UTS2B: variants seen among roughly 807,000 people sequenced by gnomAD.
UTS2B encodes the protein urotensin 2B.
In UTS2B, 21 loss-of-function variants were observed where a neutral mutation model predicts 19.2. The ratio of observed to expected loss-of-function variants is 1.09; its 90% confidence interval spans 0.78 to 1.58. The LOEUF is 1.58. UTS2B is among the 40% of genes most tolerant of loss of function. The pLI, the probability that UTS2B is intolerant of heterozygous loss-of-function variation, is 0.00. For missense variants in UTS2B, 138 were observed against 130.3 expected (o/e 1.06, Z -0.29); for synonymous variants, 57 against 50.2 (o/e 1.14, Z -0.58).
intron 8 of UTS2B, among the ~76,000 whole-genome samples, chr3:191,271,570 T>G (rs780486341): frequency 6.6e-6 from 1 of 152,184 alleles, no homozygotes; most frequent in Non-Finnish European, 1.5e-5. Flanking sequence ...TTTTTTTACT[T>G]GACTTGTGGG....
At chr3:191,292,043 A>T (rs2117547) in intron 4 of UTS2B, among the ~76,000 whole-genome samples, 109,021 of 151,630 alleles carry the variant, frequency 0.72, 40,043 homozygotes, top group African/African-American at 0.89. Flanking sequence ...CTAATGGTCT[A>T]TTGTGAAAAG....
chr3:191,283,359 C>G (rs917722402), intron 4 of UTS2B, among the ~76,000 whole-genome samples: 1 of 152,132 alleles, frequency 6.6e-6, no homozygotes, highest in Non-Finnish European at 1.5e-5. Context: ...GCCATTTTAC[C>G]TACTGATTCC....
chr3:191,342,288 G>A, the UTS2B span, among the ~76,000 whole-genome samples: 1 of 152,144 alleles, frequency 6.6e-6, no homozygotes, highest in East Asian at 1.9e-4. Flanking sequence ...ATTTTACCAT[G>A]CCTGTTTATC....
At chr3:191,281,957 G>A in intron 5 of UTS2B, 130 bp downstream of exon 5, 1 of 687,582 alleles carries the variant, frequency 1.5e-6, no homozygotes, top group Non-Finnish European at 2.5e-6. Flanking sequence ...ACTTAAGGGA[G>A]ATTTGGCTAT....
chr3:191,275,234 C>T lies in UTS2B; in HGVS notation c.334+18G>A. 6.4e-7 allele frequency: 1 copy of T among 1,565,910 alleles called. No homozygotes were observed. The highest frequency in any genetic ancestry group is 2.3e-5 in the East Asian group (1 of 43,984). On this transcript the variant is annotated intron_variant, in intron 8 of 8. Coordinates refer to ENST00000340524, the MANE Select transcript of UTS2B (RefSeq NM_198152.5). Reference sequence around the variant, plus strand: ...ATCTTTTGGAAGTCAATCTTAAAACCTTGAAATGAAAGCTTACCTCGTTTG... The same window carrying T: ...ATCTTTTGGAAGTCAATCTTAAAACTTTGAAATGAAAGCTTACCTCGTTTG...
At chr3:191,339,613 A>T in the UTS2B span, among the ~76,000 whole-genome samples, 3 of 152,200 alleles carry the variant, frequency 2.0e-5, no homozygotes, top group Non-Finnish European at 4.4e-5. Flanking sequence ...AGATGAACAT[A>T]AAAAATTTGG....
chr3:191,341,680 A>G, the UTS2B span, among the ~76,000 whole-genome samples: 1 of 152,206 alleles, frequency 6.6e-6, no homozygotes, highest in African/African-American at 2.4e-5. Context: ...AAGAGTTCAC[A>G]TGTAACTGAA....
chr3:191,308,397 T>C lies in UTS2B; in HGVS notation c.-181-3849A>G, dbSNP rs149092411. On this transcript the variant is annotated intron_variant, in intron 3 of 8. Transcript: ENST00000340524. ...CTTTAAGTCACTCAGTTAGTCAAAG[T>C]AGTATTACCAGTTGCTGTATTACCT... is the stretch of plus-strand genomic sequence containing the variant. Among the ~76,000 whole-genome samples, 27 of 152,306 alleles carry C rather than the reference T, an allele frequency of 1.8e-4. No homozygotes were observed. In the East Asian group the frequency reaches 5.2e-3, roughly 29 times the overall value.
chr3:191,301,777 C>A (rs894241297), intron 4 of UTS2B, among the ~76,000 whole-genome samples: 3 of 152,142 alleles, frequency 2.0e-5, no homozygotes, highest in Non-Finnish European at 4.4e-5. Flanking sequence ...GCGTGAGCCA[C>A]CACGCCCGGC....
chr3:191,316,808 T>C (rs763937242), intron 2 of UTS2B, among the ~76,000 whole-genome samples: 20 of 152,068 alleles, frequency 1.3e-4, no homozygotes, highest in Non-Finnish European at 2.6e-4. Context: ...TTTACAAACC[T>C]TGAGCTAGAC....
chr3:191,336,132 G>GTT, the UTS2B span, among the ~76,000 whole-genome samples: 7 of 137,190 alleles, frequency 5.1e-5, no homozygotes, highest in African/African-American at 8.0e-5. Context: ...GTGTACAAGT[G>GTT]TTTTTTTTTT....
At chr3:191,319,736 C>A (rs1012422736) in intron 2 of UTS2B, among the ~76,000 whole-genome samples, 1 of 149,936 alleles carries the variant, frequency 6.7e-6, no homozygotes, top group Non-Finnish European at 1.5e-5. Flanking sequence ...GGTGTGGTGG[C>A]GGGTGCCTGT....
intron 4 of UTS2B, among the ~76,000 whole-genome samples, chr3:191,283,002 T>C (rs1257495147): frequency 6.6e-6 from 1 of 152,150 alleles, no homozygotes; most frequent in Non-Finnish European, 1.5e-5. Context: ...CCAGTGATGT[T>C]ATAGTATAAT....
chr3:191,334,366 A>T (rs139358451), upstream of UTS2B, among the ~76,000 whole-genome samples: 178 of 152,338 alleles, frequency 1.2e-3, no homozygotes, highest in African/African-American at 4.1e-3. Flanking sequence ...TTTCAAATGG[A>T]TGTAACTGTT....
Position 191,319,003 on chromosome 3 carries a change from T to C in UTS2B, c.-585-2564A>G, listed in dbSNP as rs186946622. ...GTCTGTAGATTATTTTTGAGGTACA[T>C]ATACATTTGTAGAAATTACCATAAT... On this transcript the variant is annotated intron_variant, in intron 2 of 8. Coordinates refer to ENST00000340524, the MANE Select transcript of UTS2B (RefSeq NM_198152.5). Among the ~76,000 whole-genome samples the C allele has an allele frequency of 2.0e-5, 3 of 152,298 alleles. No homozygotes were observed. In the East Asian group the frequency reaches 5.8e-4, roughly 29 times the overall value.
At chr3:191,275,552 C>T (rs1375180686) in intron 7 of UTS2B, among the ~76,000 whole-genome samples, 1 of 152,004 alleles carries the variant, frequency 6.6e-6, no homozygotes, top group Admixed American at 6.6e-5. Flanking sequence ...TGGTAGCAGG[C>T]ACCTGTAGTC....
intron 5 of UTS2B, among the ~76,000 whole-genome samples, chr3:191,279,656 A>C (rs1356180682): frequency 6.6e-6 from 1 of 152,090 alleles, no homozygotes; most frequent in Non-Finnish European, 1.5e-5. Context: ...TCAAAAAACA[A>C]AACTGATAGA....
chr3:191,291,065 G>T (rs1418113121), intron 4 of UTS2B, among the ~76,000 whole-genome samples: 1 of 151,986 alleles, frequency 6.6e-6, no homozygotes, highest in Admixed American at 6.5e-5. Flanking sequence ...GGTGCTTGGA[G>T]TTCTTTTTTT....
At chr3:191,327,459 G>A (rs182877630) in intron 2 of UTS2B, among the ~76,000 whole-genome samples, 115 of 152,268 alleles carry the variant, frequency 7.6e-4, no homozygotes, top group African/African-American at 2.7e-3. Flanking sequence ...AGGAACTAGG[G>A]GAAGCCATCA....
Sources: allele counts gnomAD v4.1 joint callset (sites outside exome capture counted in the v4.1 genomes callset), GRCh38; gene constraint gnomAD v4.1.1; transcripts MANE v1.5; gene names NCBI Gene and HGNC (gene_info 2026-07-23, HGNC 2026-07-21).